Variants in TANC2 observed in about 807,000 individuals in gnomAD.
TANC2 encodes tetratricopeptide repeat, ankyrin repeat and coiled-coil containing 2.
TANC2 carries 26 observed loss-of-function variants against 210.5 expected under a neutral mutation model. The observed-to-expected ratio is 0.12, with a 90% CI of 0.09 to 0.17. The LOEUF (loss-of-function observed/expected upper bound fraction) is 0.17, where lower values mean the gene tolerates loss of function less well. TANC2 is among the 10% of genes least tolerant of loss of function. TANC2 has a pLI of 1.00. For missense variants in TANC2, 2,129 were observed against 2,608.9 expected, an observed-to-expected ratio of 0.82 and a Z score of 4.01; for synonymous variants, 931 against 967.1, an observed-to-expected ratio of 0.96 and a Z score of 0.69.
At chr17:63,221,733 C>G (rs1437162916) in intron 7 of TANC2, among the ~76,000 whole-genome samples, 3 of 152,156 alleles carry the variant, frequency 2.0e-5, no homozygotes, top group African/African-American at 7.2e-5. Context: ...AGTACAATGT[C>G]TAAAACTCAA....
intron 19 of TANC2, among the ~76,000 whole-genome samples, chr17:63,399,819 G>A (rs759775231): frequency 6.6e-5 from 10 of 152,260 alleles, no homozygotes; most frequent in Non-Finnish European, 1.2e-4. Context: ...ATTTCTTCTC[G>A]TGACAAAGTC....
At chr17:63,200,793 T>C in exon 7 of TANC2, 1 of 1,613,510 alleles carries the variant, frequency 6.2e-7, no homozygotes, top group Non-Finnish European at 8.5e-7. Context: ...ACCCAGCGGA[T>C]AAGTCCTTGT....
At chr17:63,042,554 A>G (rs1157870839) in intron 2 of TANC2, among the ~76,000 whole-genome samples, 23 of 152,136 alleles carry the variant, frequency 1.5e-4, no homozygotes. Context: ...AAGTAAGATG[A>G]TGAGGGAATG....
At chr17:63,035,768 A>G (rs1265396415) in intron 2 of TANC2, among the ~76,000 whole-genome samples, 1 of 152,234 alleles carries the variant, frequency 6.6e-6, no homozygotes, top group African/African-American at 2.4e-5. Flanking sequence ...GTTTAACTAC[A>G]CAAGGAACTG....
At chr17:62,993,629 T>TA (rs1371472498) in intron 1 of TANC2, among the ~76,000 whole-genome samples, 5 of 152,198 alleles carry the variant, frequency 3.3e-5, no homozygotes, top group African/African-American at 1.2e-4. Context: ...TCTAAAGAAA[T>TA]ACAACTAATT....
At chr17:63,068,114 G>A (rs2036268116) in intron 2 of TANC2, among the ~76,000 whole-genome samples, 1 of 152,134 alleles carries the variant, frequency 6.6e-6, no homozygotes, top group South Asian at 2.1e-4. Context: ...TTGAATGACT[G>A]TAGATTTCTC....
At position 63,176,528 on chromosome 17, in the gene TANC2, G is replaced by A. The variant is rs144341332; in HGVS notation, c.434-17463G>A. Among the ~76,000 whole-genome samples, 286 of 152,242 alleles carry A rather than the reference G, an allele frequency of 1.9e-3. 1 individual carries two copies. Among genetic ancestry groups the A allele is most frequent in the African/African-American group, 5.9e-3 (246 of 41,562 alleles). On this transcript the variant is annotated intron_variant, in intron 5 of 27. Transcript: ENST00000689528. Reference sequence around the variant, plus strand: ...AAACTAAAATAACAGAAAAAAGGCCGGTTGCGGTGGCTTACGCCTGTAATC... The same window carrying A: ...AAACTAAAATAACAGAAAAAAGGCCAGTTGCGGTGGCTTACGCCTGTAATC...
intron 9 of TANC2, among the ~76,000 whole-genome samples, chr17:63,288,243 G>A (rs1429909285): frequency 6.6e-6 from 1 of 152,114 alleles, no homozygotes; most frequent in African/African-American, 2.4e-5. Context: ...GGGATTCTCA[G>A]CTCCACCTCC....
At chr17:63,409,274 C>T (rs1389930523) in intron 21 of TANC2, among the ~76,000 whole-genome samples, 2 of 152,124 alleles carry the variant, frequency 1.3e-5, no homozygotes, top group South Asian at 2.1e-4. Flanking sequence ...TGGGCTCAAG[C>T]GATCCTCCCA....
chr17:62,987,533 C>T (rs1330636206), intron 1 of TANC2, among the ~76,000 whole-genome samples: 1 of 152,166 alleles, frequency 6.6e-6, no homozygotes, highest in Non-Finnish European at 1.5e-5. Context: ...GTTGCAAGGA[C>T]TGTAGATATT....
At chr17:62,983,290 C>T (rs900816099) in intron 1 of TANC2, among the ~76,000 whole-genome samples, 55 of 151,504 alleles carry the variant, frequency 3.6e-4, no homozygotes, top group African/African-American at 1.1e-3. Context: ...TGTTTGAATT[C>T]GTTTGAATTC....
intron 3 of TANC2, among the ~76,000 whole-genome samples, chr17:63,081,906 T>A (rs917704635): frequency 7.9e-5 from 12 of 152,122 alleles, no homozygotes; most frequent in African/African-American, 2.9e-4. Context: ...GCCTCATGCC[T>A]GTAATCCCAG....
chr17:63,283,907 T>C (rs1169201969), intron 9 of TANC2, among the ~76,000 whole-genome samples: 2 of 151,982 alleles, frequency 1.3e-5, no homozygotes, highest in Non-Finnish European at 2.9e-5. Context: ...ATTTTCTGCA[T>C]AGATGATCAT....
At chr17:63,209,430 G>GT (rs2041820153) in intron 7 of TANC2, among the ~76,000 whole-genome samples, 1 of 151,310 alleles carries the variant, frequency 6.6e-6, no homozygotes, top group South Asian at 2.1e-4. Flanking sequence ...TTGTTTGTTT[G>GT]TTTGTTTTGT....
At chr17:63,370,686 T>C (rs1477157428) in intron 14 of TANC2, among the ~76,000 whole-genome samples, 13 of 152,254 alleles carry the variant, frequency 8.5e-5, no homozygotes, top group Admixed American at 8.5e-4. Flanking sequence ...AGGTCTGCCC[T>C]GTACCATTTT....
chr17:63,169,981 C>T (rs1158044333), intron 5 of TANC2, among the ~76,000 whole-genome samples: 5 of 143,574 alleles, frequency 3.5e-5, no homozygotes, highest in Non-Finnish European at 6.0e-5. Context: ...TAGCCAGGCG[C>T]GGTGGCAGGT....
intron 4 of TANC2, among the ~76,000 whole-genome samples, chr17:63,121,890 C>T (rs932803334): frequency 4.6e-5 from 7 of 151,146 alleles, no homozygotes; most frequent in Non-Finnish European, 7.4e-5. Flanking sequence ...TCGCTTGAGC[C>T]CAGGAGTTCT....
chr17:62,991,596 C>T (rs192801678), intron 1 of TANC2, among the ~76,000 whole-genome samples: 4 of 149,846 alleles, frequency 2.7e-5, no homozygotes, highest in African/African-American at 9.9e-5. Context: ...GCCAAGATCA[C>T]GCCACTGCAC....
chr17:63,161,404 T>G (rs1380442363), intron 5 of TANC2, among the ~76,000 whole-genome samples: 1 of 152,064 alleles, frequency 6.6e-6, no homozygotes, highest in Non-Finnish European at 1.5e-5. Context: ...CTGAACAGCT[T>G]TGTGTTTTTC....
Sources: gnomAD v4.1 joint callset for allele counts (sites outside exome capture counted in the v4.1 genomes callset) on GRCh38, gnomAD v4.1.1 for gene constraint, MANE v1.5 for transcripts, NCBI Gene and HGNC (gene_info 2026-07-23, HGNC 2026-07-21) for gene names.